The following ANKRD46 variants were observed in gnomAD, a reference collection of about 807,000 sequenced individuals.
ANKRD46 encodes ankyrin repeat domain 46.
A neutral mutation model predicts 19.8 loss-of-function variants in ANKRD46; 13 were observed. The observed-to-expected ratio is 0.66, with a 90% CI of 0.43 to 1.04. The LOEUF (loss-of-function observed/expected upper bound fraction) is 1.04. Among genes scored for constraint, ANKRD46 ranks in the 50% least tolerant of loss-of-function variants. The pLI, the probability that ANKRD46 is intolerant of heterozygous loss-of-function variation, is 0.00. For missense variants in ANKRD46, 185 were observed against 274.8 expected (o/e 0.67, Z 2.31); for synonymous variants, 91 against 106.9 (o/e 0.85, Z 0.92).
chr8:100,522,179 G>T lies in ANKRD46; in HGVS notation c.*376C>A. ...CCACCAACAAAAACTAATCATATAA[G>T]ATACTGTTTTTCTTTTTGAATACTT... On this transcript the variant is annotated 3_prime_UTR_variant, in exon 5 of 5. Coordinates refer to ENST00000335659, the MANE Select transcript of ANKRD46 (RefSeq NM_001270377.2). 1 of 1,002,596 alleles carries T rather than the reference G, an allele frequency of 1.0e-6. No homozygotes were observed. Among genetic ancestry groups the T allele is most frequent in the Non-Finnish European group, 1.2e-6 (1 of 839,892 alleles). The allele number at this position is 1,002,596 out of a possible 1,614,324, so 62.1% of individuals were successfully genotyped here.
rs187920463 is a variant in ANKRD46 at position 100,522,681 on chromosome 8, C to A, written c.561G>T (p.Val187=). 1 of 1,614,094 alleles carries A rather than the reference C, an allele frequency of 6.2e-7. No individual in the cohort carries two copies. Among genetic ancestry groups the A allele is most frequent in the East Asian group, 2.2e-5 (1 of 44,872 alleles). Reference sequence around the variant, plus strand: ...ATACTCTCCAGAAGCCCAGATCCTCCACAAACTCCTGCCACGTGGTTCGGA... The same window carrying A: ...ATACTCTCCAGAAGCCCAGATCCTCAACAAACTCCTGCCACGTGGTTCGGA... ...SSFRTTWQEF[V]EDLGFWRVLL... Residue 187 remains valine (V), a synonymous_variant, in exon 5 of 5, where the codon GTG becomes GTT. Transcript: ENST00000335659.
At chr8:100,551,346 G>C (rs1812385582) in intron 1 of ANKRD46, 9 of 573,372 alleles carry the variant, frequency 1.6e-5, no homozygotes, top group South Asian at 1.1e-4. Context: ...ATCAGCAGAG[G>C]GGGTAGAGAT....
intron 1 of ANKRD46, chr8:100,551,682 A>G: frequency 1.6e-6 from 1 of 641,366 alleles, no homozygotes; most frequent in Non-Finnish European, 2.9e-6. Context: ...ATATGGCCCA[A>G]ATCTATTTAC....
chr8:100,518,242 T>A (rs1811664961), downstream of ANKRD46, among the ~76,000 whole-genome samples: 1 of 151,970 alleles, frequency 6.6e-6, no homozygotes, highest in Non-Finnish European at 1.5e-5. Context: ...TAAGTAGGAG[T>A]TAACAACTGT....
rs1476337390 is a variant in ANKRD46 at position 100,555,633 on chromosome 8, G to A, written c.-131+4078C>T. Among the ~76,000 whole-genome samples, 13 of 140,366 alleles carry A rather than the reference G, an allele frequency of 9.3e-5. 1 individual carries two copies. Among genetic ancestry groups the A allele is most frequent in the East Asian group, 2.2e-4 (1 of 4,550 alleles). The allele number at this position is 140,366 out of a possible 152,430, so 92.1% of individuals were successfully genotyped here. ...AGGATGTGTGAGATGACAGCAATGA[G>A]AACAAGAAAGGAGAGCCAACCAATG... is the stretch of plus-strand genomic sequence containing the variant. On this transcript the variant is annotated intron_variant, in intron 1 of 4. Transcript: ENST00000335659.
Position 100,522,560 on chromosome 8 carries a change from G to A in ANKRD46, c.682C>T (p.His228Tyr), listed in dbSNP as rs1273003577. The stretch of plus-strand genomic sequence containing the variant: ...CTCATCTTCCATGAGCTCCTTTAAT[G>A]CACCAGTTCAGGCTGGTTTTCCACG... ...PFVENQPELV[H>Y] Residue 228 changes from histidine to tyrosine, a missense_variant, in exon 5 of 5, where the codon CAT becomes TAT. Coordinates refer to ENST00000335659, the MANE Select transcript of ANKRD46 (RefSeq NM_001270377.2). 2 of 1,613,938 alleles carry A rather than the reference G, an allele frequency of 1.2e-6. No individual in the cohort carries two copies. The highest frequency in any genetic ancestry group is 1.7e-6 in the Non-Finnish European group (2 of 1,180,028).
chr8:100,515,415 C>T (rs1811614411), intron 5 of ANKRD46, among the ~76,000 whole-genome samples: 1 of 151,980 alleles, frequency 6.6e-6, no homozygotes, highest in African/African-American at 2.4e-5. Context: ...CAAGATTTCT[C>T]AAAAGAAAAT....
chr8:100,528,999 A>G (rs1203513509), intron 3 of ANKRD46, among the ~76,000 whole-genome samples: 1 of 152,198 alleles, frequency 6.6e-6, no homozygotes, highest in Non-Finnish European at 1.5e-5. Flanking sequence ...TGAAGCTCAC[A>G]TGGTGCGTTA....
intron 4 of ANKRD46, among the ~76,000 whole-genome samples, chr8:100,526,655 T>C (rs1811848212): frequency 6.6e-6 from 1 of 152,136 alleles, no homozygotes; most frequent in Admixed American, 6.5e-5. Flanking sequence ...ATTAAAGTGC[T>C]TGAAAGTATC....
rs902804231 is a variant in ANKRD46 at position 100,557,110 on chromosome 8, G to T, written c.-131+2601C>A. On this transcript the variant is annotated intron_variant, in intron 1 of 4. Transcript: ENST00000335659. This position sits in a 1 kb window ranked among gnomAD's most constrained non-coding sequence, Gnocchi z 5.9. ...GTTTTAAGTAAGTTTACAAATTTGG[G>T]TTGCACAAGCTTGCATTAGTGACTT... is the stretch of plus-strand genomic sequence containing the variant. 3.9e-5 allele frequency among the ~76,000 whole-genome samples: 6 copies of T among 152,102 alleles called. No individual in the cohort carries two copies. Among genetic ancestry groups the T allele is most frequent in the African/African-American group, 1.4e-4 (6 of 41,416 alleles).
chr8:100,551,285 G>C (rs1812384196), intron 1 of ANKRD46: 1 of 505,588 alleles, frequency 2.0e-6, no homozygotes, highest in Non-Finnish European at 3.7e-6. Flanking sequence ...TGATGATCTT[G>C]AGGCTGTTTT....
rs1344545652 is a variant in ANKRD46, at chr8:100,527,067, C to T, written c.470+778G>A. Among the ~76,000 whole-genome samples, 7 of 152,238 alleles carry T rather than the reference C, an allele frequency of 4.6e-5. No homozygotes were observed. The East Asian group carries it at 1.3e-3, about 29-fold the overall frequency. On this transcript the variant is annotated intron_variant, in intron 4 of 4. Transcript: ENST00000335659. The surrounding 1 kb of genome is among the most constrained non-coding windows in gnomAD (Gnocchi z 4.0). ...AACTAAGTCTGGCCTATTAACTTTA[C>T]CTGTTGAGCCCAGTGACATCAGGAG...
At chr8:100,548,843 C>A (rs552311528) in intron 1 of ANKRD46, among the ~76,000 whole-genome samples, 3 of 152,158 alleles carry the variant, frequency 2.0e-5, no homozygotes, top group Admixed American at 2.0e-4. Context: ...GAAATCAAAT[C>A]ACGTTCATAT....
At chr8:100,555,452 GA>G (rs1337955848) in intron 1 of ANKRD46, among the ~76,000 whole-genome samples, 2 of 148,890 alleles carry the variant, frequency 1.3e-5, no homozygotes, top group Non-Finnish European at 3.0e-5. Flanking sequence ...CAGGGTGGGG[GA>G]AAAAACAGTA....
At chr8:100,518,851 CA>C (rs774279469), downstream of ANKRD46, among the ~76,000 whole-genome samples, 214 of 116,994 alleles carry the variant, frequency 1.8e-3, no homozygotes, top group African/African-American at 5.6e-3. Flanking sequence ...GACTCTGTCT[CA>C]AAAAAAAAAA....
intron 2 of ANKRD46, among the ~76,000 whole-genome samples, chr8:100,531,584 C>A (rs1811964055): frequency 6.6e-6 from 1 of 152,144 alleles, no homozygotes; most frequent in South Asian, 2.1e-4. Context: ...TTTAATCTTC[C>A]TAACAACTCC....
intron 1 of ANKRD46, among the ~76,000 whole-genome samples, chr8:100,535,344 A>G (rs1197614644): frequency 6.6e-6 from 1 of 152,218 alleles, no homozygotes; most frequent in Non-Finnish European, 1.5e-5. Context: ...ACTTTTTGAG[A>G]TAATTATAAA....
chr8:100,516,523 A>G (rs1049935438), downstream of ANKRD46, among the ~76,000 whole-genome samples: 11 of 152,234 alleles, frequency 7.2e-5, no homozygotes, highest in Admixed American at 6.5e-5. Context: ...TAATCTAAAA[A>G]CAACTTAAGT....
chr8:100,556,316 C>G (rs1434375967), intron 1 of ANKRD46, among the ~76,000 whole-genome samples: 1 of 152,198 alleles, frequency 6.6e-6, no homozygotes, highest in Non-Finnish European at 1.5e-5. Context: ...CCACTTCGCC[C>G]AGCCCACCCA....
Sources: allele counts gnomAD v4.1 joint callset (sites outside exome capture counted in the v4.1 genomes callset), GRCh38; gene constraint gnomAD v4.1.1; non-coding constraint Gnocchi (gnomAD v3.1); transcripts MANE v1.5; gene names NCBI Gene and HGNC (gene_info 2026-07-23, HGNC 2026-07-21).